CELSR3: variants seen among roughly 807,000 people sequenced by gnomAD.
CELSR3 encodes cadherin EGF LAG seven-pass G-type receptor 3, also known as EGF-like protein 1.
CELSR3 carries 73 observed loss-of-function variants against 270.0 expected under a neutral mutation model. That is an observed-to-expected ratio of 0.27 (90% CI 0.22 to 0.33). The LOEUF is 0.33. CELSR3 is among the 10% of genes least tolerant of loss of function. CELSR3 has a pLI of 1.00. For synonymous variants in CELSR3, 1,780 were observed against 1,905.4 expected, an observed-to-expected ratio of 0.93 and a Z score of 1.71; for missense variants, 3,614 against 4,533.8, an observed-to-expected ratio of 0.80 and a Z score of 5.83.
Position 48,650,433 on chromosome 3 carries a change from A to AGGGGGGGGCGGG in CELSR3, c.6472+46_6472+47insCCCGCCCCCCCC. On this transcript the variant is annotated intron_variant, in intron 16 of 34. Coordinates refer to ENST00000164024, the MANE Select transcript of CELSR3 (RefSeq NM_001407.3). This position sits in a 1 kb window ranked among gnomAD's most constrained non-coding sequence, Gnocchi z 5.1. ...GACATGGCTCTAGCAGTCAGAGTAC[A>AGGGGGGGGCGGG]GGCCCACCCCCACCCTCAGTGATGT... 1 of 927,818 alleles carries AGGGGGGGGCGGG rather than the reference A, an allele frequency of 1.1e-6. No individual in the cohort carries two copies. The highest frequency in any genetic ancestry group is 1.7e-6 in the Non-Finnish European group (1 of 598,394). The allele number at this position is 927,818 out of a possible 1,614,324, so 57.5% of individuals were successfully genotyped here.
At position 48,640,599 on chromosome 3, in the gene CELSR3, A is replaced by T. The variant is rs1421098415; in HGVS notation, c.9026-40T>A. 125 of 1,249,024 alleles carry T rather than the reference A, an allele frequency of 1.0e-4. No individual in the cohort carries two copies. The highest frequency in any genetic ancestry group is 1.3e-4 in the Non-Finnish European group (117 of 918,246). The allele number at this position is 1,249,024 out of a possible 1,614,324, so 77.4% of individuals were successfully genotyped here. ...AAATGGGGGGCAGGGTTTGTGTGGGAGGGGGAGGGCAGGCAGGAATTGCTG... is the reference window on the plus strand; with the variant it reads ...AAATGGGGGGCAGGGTTTGTGTGGGTGGGGGAGGGCAGGCAGGAATTGCTG... On this transcript the variant is annotated intron_variant, in intron 33 of 34. Coordinates refer to ENST00000164024, the MANE Select transcript of CELSR3 (RefSeq NM_001407.3). This position sits in a 1 kb window ranked among gnomAD's most constrained non-coding sequence, Gnocchi z 7.5.
At position 48,646,525 on chromosome 3, in the gene CELSR3, G is replaced by C. The variant is rs183255174; in HGVS notation, c.7295+238C>G. Among the ~76,000 whole-genome samples the C allele has an allele frequency of 2.8e-3, 432 of 152,308 alleles. 7 individuals are homozygous for C. In the Middle Eastern group the frequency reaches 0.037, roughly 13 times the overall value. On this transcript the variant is annotated intron_variant, in intron 21 of 34. Coordinates refer to ENST00000164024, the MANE Select transcript of CELSR3 (RefSeq NM_001407.3). This position sits in a 1 kb window ranked among gnomAD's most constrained non-coding sequence, Gnocchi z 4.8. ...CCTTGTCTGTCTCTGTCAGCCCTTTGGTCTGTCTGTACCTGGCTCATGGAT... is the reference window on the plus strand; with the variant it reads ...CCTTGTCTGTCTCTGTCAGCCCTTTCGTCTGTCTGTACCTGGCTCATGGAT...
chr3:48,661,354 G>A lies in CELSR3; in HGVS notation c.1281C>T (p.Asn427=), dbSNP rs1017350176. Reference sequence around the variant, plus strand: ...CTTGCTCAAAAACCGGCGAGTGGTCGTTGCGGTCGGCTACTGTCACGGCCA... The same window carrying A: ...CTTGCTCAAAAACCGGCGAGTGGTCATTGCGGTCGGCTACTGTCACGGCCA... The part of the protein sequence containing the change: ...TMVAVTVADR[N]DHSPVFEQAQ... Residue 427 remains asparagine, a synonymous_variant, in exon 1 of 35, where the codon AAC becomes AAT. Coordinates refer to ENST00000164024, the MANE Select transcript of CELSR3 (RefSeq NM_001407.3). 25 of 1,612,928 alleles carry A rather than the reference G, an allele frequency of 1.5e-5. No individual in the cohort carries two copies. Among genetic ancestry groups the A allele is most frequent in the Non-Finnish European group, 2.0e-5 (24 of 1,179,904 alleles).
Position 48,640,114 on chromosome 3 carries a change from A to G in CELSR3, c.9471T>C (p.Pro3157=). The change falls in exon 34 of 35, where the codon CCT becomes CCC. Residue 3157 remains proline, a synonymous_variant. Transcript: ENST00000164024. This position sits in a 1 kb window ranked among gnomAD's most constrained non-coding sequence, Gnocchi z 7.5. ...CAAGGTCCCGGGTGCGGCGGGGCGG[A>G]GGCAGCGTGCTCAACCACTCTCGAG... ...GAPREWLSTL[P]PPRRTRDLDP... The G allele has an allele frequency of 6.2e-7, 1 of 1,611,494 alleles. No homozygotes were observed. Among genetic ancestry groups the G allele is most frequent in the Non-Finnish European group, 8.5e-7 (1 of 1,179,818 alleles).
Position 48,656,840 on chromosome 3 carries a change from C to A in CELSR3, c.4257G>T (p.Leu1419=). The change falls in exon 2 of 35, where the codon CTG becomes CTT. Residue 1419 remains leucine, a synonymous_variant. Transcript: ENST00000164024. The stretch of plus-strand genomic sequence containing the variant: ...TGAATCCGGGCGGGCAGCGGCAGCG[C>A]AGGCCAGCGATGGGCTGGATGGGTC... ...LFRPIQPIAG[L]RCRCPPGFTG... The A allele has an allele frequency of 1.2e-6, 2 of 1,608,712 alleles. No homozygotes were observed. Among genetic ancestry groups the A allele is most frequent in the Non-Finnish European group, 1.7e-6 (2 of 1,177,410 alleles).
Position 48,662,614 on chromosome 3 carries a change from C to T in CELSR3, c.21G>A (p.Pro7=). The T allele has an allele frequency of 1.4e-6, 2 of 1,436,298 alleles. No individual in the cohort carries two copies. Among genetic ancestry groups the T allele is most frequent in the Non-Finnish European group, 1.8e-6 (2 of 1,082,038 alleles). The allele number at this position is 1,436,298 out of a possible 1,614,324, so 89.0% of individuals were successfully genotyped here. A position where few individuals can be genotyped will look rare whatever the true frequency, so the allele number is the denominator to read the frequency against. The change falls in exon 1 of 35, where the codon CCG becomes CCA. Residue 7 remains proline (P), a synonymous_variant. Transcript: ENST00000164024. This position sits in a 1 kb window ranked among gnomAD's most constrained non-coding sequence, Gnocchi z 7.1. ...TCGACCGTCCCCCGAGGCCCCGCCA[C>T]GGCGGCCGCCTCGCCATCATCCCCC... MMARRP[P]WRGLGGRSTP...
In CELSR3 at chr3:48,640,047, G is replaced by T. The variant is rs779283650; in HGVS notation, c.9538C>A (p.Leu3180Ile). Residue 3180 changes from leucine (L) to isoleucine (I), a missense_variant, in exon 34 of 35, where the codon CTC (leucine) becomes ATC (isoleucine). Physicochemically the swap from Leu to Ile is conservative, Grantham distance 5. Transcript: ENST00000164024. This position sits in a 1 kb window ranked among gnomAD's most constrained non-coding sequence, Gnocchi z 7.5. ...PPLPLSPQRQ[L>I]SRDPLLPSRP... ...GATGGCAAGAGGGGGTCCCTTGAGA[G>T]TTGCCGCTGGGGAGACAGGGGCAGA... The T allele has an allele frequency of 3.1e-6, 5 of 1,610,974 alleles. No homozygotes were observed. In the South Asian group the frequency reaches 5.5e-5, roughly 18 times the overall value.
chr3:48,660,124 G>T lies in CELSR3; in HGVS notation c.2511C>A (p.Ala837=), dbSNP rs1430665306. The change falls in exon 1 of 35, where the codon GCC becomes GCA. Residue 837 remains alanine (A), a synonymous_variant. Coordinates refer to ENST00000164024, the MANE Select transcript of CELSR3 (RefSeq NM_001407.3). The surrounding 1 kb of genome is among the most constrained non-coding windows in gnomAD (Gnocchi z 5.5). Reference sequence around the variant, plus strand: ...TGTGCACATAGCAGTGATCATGAAGGGCACGGTCAGATGCAGTTAGTACCA... The same window carrying T: ...TGTGCACATAGCAGTGATCATGAAGTGCACGGTCAGATGCAGTTAGTACCA... ...FKLVLTASDR[A]LHDHCYVHIN... 1.9e-6 allele frequency: 3 copies of T among 1,614,162 alleles called. No individual in the cohort carries two copies. In the African/African-American group the frequency reaches 4.0e-5, roughly 22 times the overall value.
In CELSR3 at chr3:48,661,886, C is replaced by T. The variant is rs1320063556; in HGVS notation, c.749G>A (p.Arg250His). The change falls in exon 1 of 35, where the codon CGC becomes CAC. Residue 250 changes from arginine (R) to histidine (H), a missense_variant. Arg to His is a conservative substitution (Grantham distance 29, BLOSUM62 0). Around this residue, in one of 7 missense-constraint regions of CELSR3, gnomAD observed 470 missense variants for 469.7 expected, o/e 1.00. Coordinates refer to ENST00000164024, the MANE Select transcript of CELSR3 (RefSeq NM_001407.3). Reference sequence around the variant, plus strand: ...TGATGCAGGAGCTGTCCTCGCCGTGCGTGGTGCTGAATCCAGCTCGGGGCC... The same window carrying T: ...TGATGCAGGAGCTGTCCTCGCCGTGTGTGGTGCTGAATCCAGCTCGGGGCC... ...GSGPELDSAP[R>H]TARTAPASGS... 1.9e-6 allele frequency: 3 copies of T among 1,611,358 alleles called. No individual in the cohort carries two copies.
In CELSR3 at chr3:48,658,866, TG is replaced by T; in HGVS notation, c.3748+20del. On this transcript the variant is annotated intron_variant, in intron 1 of 34. Transcript: ENST00000164024. This position sits in a 1 kb window ranked among gnomAD's most constrained non-coding sequence, Gnocchi z 4.7. ...AACAGGTTGGTGTCACTGGGTCACT[TG>T]CCTGCCCCCTGCCCCTCACCTGTGA... 6.2e-7 allele frequency: 1 copy of T among 1,606,642 alleles called. No homozygotes were observed. Among genetic ancestry groups the T allele is most frequent in the Non-Finnish European group, 8.5e-7 (1 of 1,174,976 alleles).
chr3:48,641,443 C>A lies in CELSR3; in HGVS notation c.8906G>T (p.Gly2969Val), dbSNP rs965711224. The A allele has an allele frequency of 2.5e-6, 4 of 1,612,426 alleles. No individual in the cohort carries two copies. The African/African-American group carries it at 4.0e-5, about 16-fold the overall frequency. ...EAAPCALQTW[G>V]SERRLGLDTS... is the part of the protein sequence containing the mutation. ...GTCCAGCCCCAGGCGCCTTTCAGAG[C>A]CCCAAGTCTGCAGAGCACAGGGGGC... Residue 2969 changes from glycine to valine, a missense_variant, in exon 33 of 35, where the codon GGC (glycine) becomes GTC (valine). Physicochemically the swap from Gly to Val is moderately radical, Grantham distance 109. Coordinates refer to ENST00000164024, the MANE Select transcript of CELSR3 (RefSeq NM_001407.3). The surrounding 1 kb of genome is among the most constrained non-coding windows in gnomAD (Gnocchi z 4.8).
intron 18 of CELSR3, 74 bp downstream of exon 18, chr3:48,648,645 T>C (rs2047109997): frequency 3.3e-6 from 5 of 1,528,610 alleles, no homozygotes; most frequent in Non-Finnish European, 4.4e-6. Flanking sequence ...AGCAGGAGCC[T>C]GAGCTGGGGA....
chr3:48,650,304 A>G lies in CELSR3; in HGVS notation c.6472+176T>C, dbSNP rs2047125140. The G allele has an allele frequency of 5.7e-6, 4 of 701,314 alleles. No individual in the cohort carries two copies. The highest frequency in any genetic ancestry group is 1.8e-5 in the African/African-American group (1 of 57,038). 43.4% of individuals were successfully genotyped at this position (701,314 alleles called of 1,614,324 possible). On this transcript the variant is annotated intron_variant, in intron 16 of 34. Transcript: ENST00000164024. This position sits in a 1 kb window ranked among gnomAD's most constrained non-coding sequence, Gnocchi z 5.1. ...ACCCCGCAATCCTGCCCAGAAGCCA[A>G]GAGAAACAGATGGAGGCTCAATGAG...
chr3:48,650,116 C>T lies in CELSR3; in HGVS notation c.6472+364G>A, dbSNP rs2047123806. 6.6e-6 allele frequency among the ~76,000 whole-genome samples: 1 copy of T among 151,788 alleles called. No individual in the cohort carries two copies. Among genetic ancestry groups the T allele is most frequent in the South Asian group, 2.1e-4 (1 of 4,804 alleles). ...AGGGGTCTCTGAGGATCTCAGGCAT[C>T]AGAGAAGGGCCCCTGGGGTACTCAG... On this transcript the variant is annotated intron_variant, in intron 16 of 34. Coordinates refer to ENST00000164024, the MANE Select transcript of CELSR3 (RefSeq NM_001407.3). The surrounding 1 kb of genome is among the most constrained non-coding windows in gnomAD (Gnocchi z 5.1).
In CELSR3 at chr3:48,639,818, G is replaced by A. The variant is rs370984354; in HGVS notation, c.9767C>T (p.Ser3256Leu). ...LSSILASFNS[S>L]ALSSVQSSST... Reference sequence around the variant, plus strand: ...TGAAGATTGCACAGAGGAGAGGGCCGAGGAGTTGAAAGAGGCAAGGATGGA... The same window carrying A: ...TGAAGATTGCACAGAGGAGAGGGCCAAGGAGTTGAAAGAGGCAAGGATGGA... The change falls in exon 34 of 35, where the codon TCG becomes TTG. Residue 3256 changes from serine to leucine, a missense_variant. Ser to Leu is a moderately radical substitution (Grantham distance 145). This residue lies in a region of CELSR3 where 1,240 missense variants were observed against 1,351.7 expected (regional missense o/e 0.92). Coordinates refer to ENST00000164024, the MANE Select transcript of CELSR3 (RefSeq NM_001407.3). The surrounding 1 kb of genome is among the most constrained non-coding windows in gnomAD (Gnocchi z 4.1). 49 of 1,613,794 alleles carry A rather than the reference G, an allele frequency of 3.0e-5. No homozygotes were observed. Among genetic ancestry groups the A allele is most frequent in the Non-Finnish European group, 4.1e-5 (48 of 1,180,014 alleles).
chr3:48,637,505 G>A lies in CELSR3; in HGVS notation c.*700C>T, dbSNP rs1332351142. On this transcript the variant is annotated 3_prime_UTR_variant, in exon 35 of 35. Coordinates refer to ENST00000164024, the MANE Select transcript of CELSR3 (RefSeq NM_001407.3). ...TCCCCGTGGGAGACAGGGAAGCCTT[G>A]CTCTGTAAACACGACATCAGCTGCT... 6.5e-6 allele frequency: 1 copy of A among 152,688 alleles called. No individual in the cohort carries two copies. The highest frequency in any genetic ancestry group is 2.1e-4 in the South Asian group (1 of 4,834). 9.5% of individuals were successfully genotyped at this position (152,688 alleles called of 1,614,324 possible).
chr3:48,661,345 C>T lies in CELSR3; in HGVS notation c.1290G>A (p.Ser430=). The T allele has an allele frequency of 1.1e-5, 18 of 1,613,216 alleles. No homozygotes were observed. The highest frequency in any genetic ancestry group is 1.5e-5 in the Non-Finnish European group (18 of 1,179,908). The change falls in exon 1 of 35, where the codon TCG becomes TCA. Residue 430 remains serine, a synonymous_variant. Coordinates refer to ENST00000164024, the MANE Select transcript of CELSR3 (RefSeq NM_001407.3). ...AVTVADRNDH[S]PVFEQAQYRE... ...GGTACTGCGCTTGCTCAAAAACCGGCGAGTGGTCGTTGCGGTCGGCTACTG... is the reference window on the plus strand; with the variant it reads ...GGTACTGCGCTTGCTCAAAAACCGGTGAGTGGTCGTTGCGGTCGGCTACTG...
rs560211611 is a variant in CELSR3, at chr3:48,658,674, C to A, written c.3748+213G>T. 6.6e-6 allele frequency among the ~76,000 whole-genome samples: 1 copy of A among 152,252 alleles called. No individual in the cohort carries two copies. Among genetic ancestry groups the A allele is most frequent in the South Asian group, 2.1e-4 (1 of 4,832 alleles). Reference sequence around the variant, plus strand: ...CAGGCTTTATGGGGTCTGCTAGATGCCTTGGAATCACTGGGATTCTGTGGA... The same window carrying A: ...CAGGCTTTATGGGGTCTGCTAGATGACTTGGAATCACTGGGATTCTGTGGA... On this transcript the variant is annotated intron_variant, in intron 1 of 34. Coordinates refer to ENST00000164024, the MANE Select transcript of CELSR3 (RefSeq NM_001407.3). The surrounding 1 kb of genome is among the most constrained non-coding windows in gnomAD (Gnocchi z 4.7).
Position 48,652,125 on chromosome 3 carries a change from G to C in CELSR3, c.5752-77C>G. The C allele has an allele frequency of 7.3e-7, 1 of 1,363,200 alleles. No individual in the cohort carries two copies. The highest frequency in any genetic ancestry group is 9.7e-7 in the Non-Finnish European group (1 of 1,028,900). The allele number at this position is 1,363,200 out of a possible 1,614,324, so 84.4% of individuals were successfully genotyped here. On this transcript the variant is annotated intron_variant, in intron 11 of 34. Transcript: ENST00000164024. The surrounding 1 kb of genome is among the most constrained non-coding windows in gnomAD (Gnocchi z 4.3). Reference sequence around the variant, plus strand: ...TCAAGTACTGCAGAGCCAGCCACCCGGTCTGATGATCCTTGACATGCAGTC... The same window carrying C: ...TCAAGTACTGCAGAGCCAGCCACCCCGTCTGATGATCCTTGACATGCAGTC...
Sources: gnomAD v4.1 joint callset for allele counts (sites outside exome capture counted in the v4.1 genomes callset) on GRCh38, gnomAD v4.1.1 for gene constraint, gnomAD v4.1.1 regional missense constraint, Gnocchi (gnomAD v3.1) non-coding constraint, MANE v1.5 for transcripts, NCBI Gene and HGNC (gene_info 2026-07-23, HGNC 2026-07-21) for gene names.